CELF5: variants seen among roughly 807,000 people sequenced by gnomAD.
CELF5 encodes the protein CUG-BP and ETR-3 like factor 5.
In CELF5, 6 loss-of-function variants were observed where a neutral mutation model predicts 54.9. That is an observed-to-expected ratio of 0.11 (90% CI 0.06 to 0.22). The LOEUF (loss-of-function observed/expected upper bound fraction) is 0.22, where lower values mean the gene tolerates loss of function less well. Ranked by LOEUF, CELF5 falls within the 10% of genes least tolerant of loss-of-function variation. CELF5 has a pLI of 1.00. For missense variants in CELF5, 401 were observed against 678.6 expected (o/e 0.59, Z 4.54); for synonymous variants, 271 against 290.9 (o/e 0.93, Z 0.70).
chr19:3,240,891 T>G (rs1568332901), intron 1 of CELF5, among the ~76,000 whole-genome samples: 1 of 151,970 alleles, frequency 6.6e-6, no homozygotes, highest in Non-Finnish European at 1.5e-5. Context: ...GGCTGGAGAC[T>G]GGAGTGTCCT....
At chr19:3,292,528 C>T (rs1213020872) in intron 11 of CELF5, among the ~76,000 whole-genome samples, 1 of 152,036 alleles carries the variant, frequency 6.6e-6, no homozygotes, top group East Asian at 1.9e-4. Flanking sequence ...AGGTGATCTG[C>T]CCGTCTTGGC....
chr19:3,290,507 G>T (rs956787404), intron 11 of CELF5, 133 bp downstream of exon 11: 5 of 928,186 alleles, frequency 5.4e-6, no homozygotes, highest in Non-Finnish European at 8.3e-6. Flanking sequence ...GCCTGTGGCC[G>T]GGCACAGTGG....
At chr19:3,272,231 T>A (rs1007564743) in intron 2 of CELF5, among the ~76,000 whole-genome samples, 3 of 151,756 alleles carry the variant, frequency 2.0e-5, no homozygotes, top group Non-Finnish European at 1.5e-5. Flanking sequence ...TAGCTGGGCG[T>A]ATTGGTGCGT....
intron 2 of CELF5, among the ~76,000 whole-genome samples, chr19:3,255,196 T>A (rs1332899808): frequency 6.6e-6 from 1 of 151,952 alleles, no homozygotes; most frequent in Non-Finnish European, 1.5e-5. Flanking sequence ...ACCCCCCAAT[T>A]TTTTTTGAGA....
At chr19:3,263,043 C>T (rs1416043614) in intron 2 of CELF5, among the ~76,000 whole-genome samples, 3 of 150,982 alleles carry the variant, frequency 2.0e-5, no homozygotes, top group South Asian at 2.1e-4. Context: ...GTCAGGAGTT[C>T]GAGACCAGTC....
At chr19:3,232,086 A>G (rs953345665) in intron 1 of CELF5, among the ~76,000 whole-genome samples, 2 of 152,016 alleles carry the variant, frequency 1.3e-5, no homozygotes, top group Non-Finnish European at 2.9e-5. Flanking sequence ...CCTGGTGAAT[A>G]CGAATGTTCA....
In CELF5 at chr19:3,281,255, C is replaced by G; in HGVS notation, c.660C>G (p.Leu220=). ...CCGACACGGACAAGGAGCGGACGCT[C>G]CGGCGCATGCAGCAGATGGTGGGCC... ...KFADTDKERT[L]RRMQQMVGQL... The change falls in exon 6 of 13, where the codon CTC becomes CTG. Residue 220 remains leucine (L), a synonymous_variant. Transcript: ENST00000292672. The surrounding 1 kb of genome is among the most constrained non-coding windows in gnomAD (Gnocchi z 6.5). The G allele has an allele frequency of 6.2e-7, 1 of 1,611,208 alleles. No individual in the cohort carries two copies. Among genetic ancestry groups the G allele is most frequent in the South Asian group, 1.1e-5 (1 of 91,084 alleles).
rs774484034 is a variant in CELF5 at position 3,224,826 on chromosome 19, C to G, written c.87C>G (p.Pro29=). The change falls in exon 1 of 13, where the codon CCC becomes CCG. Residue 29 remains proline (P), a synonymous_variant. Transcript: ENST00000292672. ...CCTCGCCCGTGGGCAGCAGCGGGCC[C>G]GAGCCCCCCGGGGGGCAGCCCGACG... is the stretch of plus-strand genomic sequence containing the variant. ...PRPSPVGSSG[P]EPPGGQPDGM... 2 of 1,576,342 alleles carry G rather than the reference C, an allele frequency of 1.3e-6. No individual in the cohort carries two copies. The highest frequency in any genetic ancestry group is 1.7e-6 in the Non-Finnish European group (2 of 1,162,652).
chr19:3,228,688 C>T lies in CELF5; in HGVS notation c.259+3690C>T, dbSNP rs1476412210. 6.1e-5 allele frequency among the ~76,000 whole-genome samples: 8 copies of T among 130,400 alleles called. No homozygotes were observed. In the East Asian group the frequency reaches 6.6e-4, roughly 11 times the overall value. 85.5% of individuals were successfully genotyped at this position (130,400 alleles called of 152,430 possible). On this transcript the variant is annotated intron_variant, in intron 1 of 12. Transcript: ENST00000292672. The surrounding 1 kb of genome is among the most constrained non-coding windows in gnomAD (Gnocchi z 6.0). ...GGGAGCACCAGCTGCCGGCTCGACT[C>T]GGGAGGGGGGGAGGAGGAGGCTGTA...
At chr19:3,286,734 A>G (rs1250643659) in intron 10 of CELF5, 1 of 146,632 alleles carries the variant, frequency 6.8e-6, no homozygotes, top group Non-Finnish European at 1.5e-5. Context: ...TCCATCTCAA[A>G]AAAAAAAAAA....
intron 12 of CELF5, 91 bp downstream of exon 12, chr19:3,293,577 C>A: frequency 8.8e-7 from 1 of 1,142,504 alleles, no homozygotes; most frequent in South Asian, 1.6e-5. Flanking sequence ...AAACCCTCCC[C>A]AGGTGGGGTG....
intron 1 of CELF5, among the ~76,000 whole-genome samples, chr19:3,248,905 CCTTTCTTTCTTTCTTT>C (rs796237924): frequency 2.1e-5 from 2 of 94,158 alleles, no homozygotes; most frequent in Non-Finnish European, 4.4e-5. Flanking sequence ...TTCCTTCCTT[CCTTTCTTTCTTTCTTT>C]CTTTCTTTTC....
At chr19:3,226,594 C>T (rs369993365) in intron 1 of CELF5, among the ~76,000 whole-genome samples, 35 of 152,082 alleles carry the variant, frequency 2.3e-4, no homozygotes, top group Non-Finnish European at 4.1e-4. Flanking sequence ...TTTTCCCACA[C>T]GCCCCCACCC....
At chr19:3,252,220 G>T (rs1458672506) in intron 2 of CELF5, among the ~76,000 whole-genome samples, 1 of 151,864 alleles carries the variant, frequency 6.6e-6, no homozygotes, top group Non-Finnish European at 1.5e-5. Context: ...AATTTTTGTA[G>T]AGACGGGGTC....
chr19:3,224,865 G>A lies in CELF5; in HGVS notation c.126G>A (p.Leu42=), dbSNP rs1267319864. ...GGCAGCCCGACGGCATGAAGGACCT[G>A]GACGCCATCAAACTCTTCGTGGGCC... is the stretch of plus-strand genomic sequence containing the variant. ...PGGQPDGMKD[L]DAIKLFVGQI... is the part of the protein sequence containing the mutation. The change falls in exon 1 of 13, where the codon CTG becomes CTA. Residue 42 remains leucine (L), a synonymous_variant. Coordinates refer to ENST00000292672, the MANE Select transcript of CELF5 (RefSeq NM_021938.4). The A allele has an allele frequency of 6.2e-7, 1 of 1,606,750 alleles. No individual in the cohort carries two copies. The highest frequency in any genetic ancestry group is 2.2e-5 in the East Asian group (1 of 44,510).
intron 1 of CELF5, among the ~76,000 whole-genome samples, chr19:3,229,412 G>A (rs1428695991): frequency 6.6e-6 from 1 of 152,290 alleles, no homozygotes; most frequent in Non-Finnish European, 1.5e-5. Flanking sequence ...ACAAGGCACC[G>A]AGCTCAGGAA....
In CELF5 at chr19:3,250,976, C is replaced by T. The variant is rs1406347453; in HGVS notation, c.260-9C>T. The T allele has an allele frequency of 6.2e-7, 1 of 1,612,164 alleles. No individual in the cohort carries two copies. On this transcript the variant is annotated splice_polypyrimidine_tract_variant and intron_variant, in intron 1 of 12. Coordinates refer to ENST00000292672, the MANE Select transcript of CELF5 (RefSeq NM_021938.4). ...GCTCTCTTAACACCCCCGTTTCTCT[C>T]CCTTCCAGGCTGTGCCTTCCTCACC...
chr19:3,254,535 A>T (rs1281578475), intron 2 of CELF5, among the ~76,000 whole-genome samples: 1 of 147,352 alleles, frequency 6.8e-6, no homozygotes, highest in Non-Finnish European at 1.5e-5. Context: ...TCACACACTG[A>T]TCCATGTTTC....
At chr19:3,260,626 T>G (rs888530605) in intron 2 of CELF5, among the ~76,000 whole-genome samples, 3 of 147,770 alleles carry the variant, frequency 2.0e-5, no homozygotes, top group Non-Finnish European at 4.5e-5. Flanking sequence ...GGCTAATTTT[T>G]TTTTTTTTTT....
Sources: allele counts gnomAD v4.1 joint callset (sites outside exome capture counted in the v4.1 genomes callset), GRCh38; gene constraint gnomAD v4.1.1; non-coding constraint Gnocchi (gnomAD v3.1); transcripts MANE v1.5; gene names NCBI Gene and HGNC (gene_info 2026-07-23, HGNC 2026-07-21).